The following FRMPD3 variants were observed in gnomAD, a reference collection of about 807,000 sequenced individuals.
The protein encoded by FRMPD3 is FERM and PDZ domain-containing protein 3.
FRMPD3 carries 42 observed loss-of-function variants against 97.9 expected under a neutral mutation model. The ratio of observed to expected loss-of-function variants is 0.43; its 90% CI spans 0.34 to 0.55. The LOEUF (loss-of-function observed/expected upper bound fraction) is 0.55, where lower values mean the gene tolerates loss of function less well. Among genes scored for constraint, FRMPD3 ranks in the 20% least tolerant of loss-of-function variants. FRMPD3 has a pLI of 0.03. For synonymous variants in FRMPD3, 577 were observed against 581.1 expected, an observed-to-expected ratio of 0.99 and a Z score of 0.10; for missense variants, 1,303 against 1,457.7, an observed-to-expected ratio of 0.89 and a Z score of 1.73.
intron 3 of FRMPD3, 72 bp from the exon 4 acceptor site, chrX:107,533,433 G>T (rs985281359): frequency 8.4e-5 from 78 of 925,700 alleles, no homozygotes; most frequent in Non-Finnish European, 1.1e-4. Flanking sequence ...GAAGATTCTG[G>T]TGTTGCTTCT....
intron 1 of FRMPD3, among the ~76,000 whole-genome samples, chrX:107,478,613 G>A (rs1247941280): frequency 9.0e-6 from 1 of 111,306 alleles, no homozygotes; most frequent in Non-Finnish European, 1.9e-5. Context: ...CTAAATGTTC[G>A]TCTCCTCGTT....
intron 1 of FRMPD3, among the ~76,000 whole-genome samples, chrX:107,512,657 C>A (rs941554820): frequency 9.0e-6 from 1 of 111,616 alleles, no homozygotes; most frequent in African/African-American, 3.3e-5. Context: ...CTATATATCT[C>A]TGCCTCTTTC....
intron 3 of FRMPD3, 39 bp downstream of exon 3, chrX:107,530,550 C>T (rs1331597934): frequency 3.2e-6 from 3 of 950,916 alleles, no homozygotes; most frequent in Non-Finnish European, 4.4e-6. Context: ...TCAGTATCCC[C>T]ACCCCTGACT....
intron 2 of FRMPD3, among the ~76,000 whole-genome samples, chrX:107,527,641 C>G (rs1053347501): frequency 1.8e-4 from 20 of 112,565 alleles, no homozygotes; most frequent in Non-Finnish European, 3.6e-4. Context: ...ACAAAAAAGA[C>G]AGACGGAATG....
At position 107,601,651 on chromosome X, in the gene FRMPD3, T is replaced by C; in HGVS notation, c.3612T>C (p.Pro1204=). 8.3e-7 allele frequency: 1 copy of C among 1,211,207 alleles called. No individual in the cohort carries two copies. The highest frequency in any genetic ancestry group is 1.1e-6 in the Non-Finnish European group (1 of 895,465). ...GAGCCCACTCGACCTCTGAAGGCCC[T>C]GCCAAACCCAAGTCATCCCGAGGTC... The part of the protein sequence containing the change: ...LNGAHSTSEG[P]AKPKSSRGPF... The change falls in exon 15 of 15, where the codon CCT becomes CCC. Residue 1204 remains proline, a synonymous_variant. Coordinates refer to ENST00000683843, the MANE Select transcript of FRMPD3 (RefSeq NM_001388459.1).
chrX:107,455,899 ATT>A (rs1369899100), intron 1 of FRMPD3, among the ~76,000 whole-genome samples: 2 of 111,595 alleles, frequency 1.8e-5, no homozygotes, highest in African/African-American at 6.5e-5. Context: ...CTTAATAAAT[ATT>A]TGTTGACTAC....
intron 2 of FRMPD3, among the ~76,000 whole-genome samples, chrX:107,527,474 C>A (rs1922740139): frequency 8.9e-6 from 1 of 112,363 alleles, no homozygotes; most frequent in Non-Finnish European, 1.9e-5. Context: ...AGGGTTTGCA[C>A]CTGGGCCTGT....
At position 107,602,100 on chromosome X, in the gene FRMPD3, C is replaced by T; in HGVS notation, c.4061C>T (p.Ser1354Phe). 3.3e-6 allele frequency: 4 copies of T among 1,208,816 alleles called. No individual in the cohort carries two copies. Among genetic ancestry groups the T allele is most frequent in the Non-Finnish European group, 4.5e-6 (4 of 894,457 alleles). Residue 1354 changes from serine (S) to phenylalanine (F), a missense_variant, in exon 15 of 15, where the codon TCT becomes TTT. Transcript: ENST00000683843. ...SSPINVQRIR[S>F]TSLESRECRS... ...CCCATCAATGTCCAGCGCATTCGTTCTACCAGCCTGGAGTCCCGAGAGTGC... is the reference window on the plus strand; with the variant it reads ...CCCATCAATGTCCAGCGCATTCGTTTTACCAGCCTGGAGTCCCGAGAGTGC...
chrX:107,534,349 A>T (rs911831149), intron 4 of FRMPD3, among the ~76,000 whole-genome samples: 1 of 110,730 alleles, frequency 9.0e-6, no homozygotes, highest in Non-Finnish European at 1.9e-5. Flanking sequence ...CCCCTTATTA[A>T]TGTCCCCAAC....
At chrX:107,462,975 G>A (rs963976730) in intron 1 of FRMPD3, among the ~76,000 whole-genome samples, 7 of 111,899 alleles carry the variant, frequency 6.3e-5, no homozygotes, top group Non-Finnish European at 1.3e-4. Context: ...AGCTCCAGGC[G>A]CAGCTCAGGG....
chrX:107,475,733 G>A (rs894507247), intron 1 of FRMPD3, among the ~76,000 whole-genome samples: 3 of 112,287 alleles, frequency 2.7e-5, no homozygotes, highest in African/African-American at 9.7e-5. Context: ...AAGTTGTATG[G>A]TGTAGCAGTT....
At chrX:107,568,796 T>G (rs1208019973) in intron 12 of FRMPD3, among the ~76,000 whole-genome samples, 1 of 110,632 alleles carries the variant, frequency 9.0e-6, no homozygotes, top group Non-Finnish European at 1.9e-5. Flanking sequence ...CAGTGGCTCA[T>G]GCCTGTAGTT....
chrX:107,594,981 C>T (rs200481712), intron 13 of FRMPD3, among the ~76,000 whole-genome samples: 1 of 111,950 alleles, frequency 8.9e-6, no homozygotes, highest in East Asian at 2.8e-4. Flanking sequence ...AAAGTATTTT[C>T]TAATTTCTCT....
intron 1 of FRMPD3, among the ~76,000 whole-genome samples, chrX:107,515,224 C>A (rs1021557853): frequency 1.8e-5 from 2 of 111,201 alleles, no homozygotes; most frequent in Admixed American, 9.6e-5. Context: ...ACTAGAAGGC[C>A]TGGAACTGAG....
chrX:107,597,628 T>C lies in FRMPD3; in HGVS notation c.1749T>C (p.Ala583=). The change falls in exon 14 of 15, where the codon GCT becomes GCC. Residue 583 remains alanine (A), a synonymous_variant. Coordinates refer to ENST00000683843, the MANE Select transcript of FRMPD3 (RefSeq NM_001388459.1). ...YEVVPDDFDA[A]SLDHEPCASR... ...TAGTCCCTGATGACTTTGATGCAGCTAGCCTAGACCACGAGCCTTGTGCCA... is the reference window on the plus strand; with the variant it reads ...TAGTCCCTGATGACTTTGATGCAGCCAGCCTAGACCACGAGCCTTGTGCCA... 2 of 1,210,894 alleles carry C rather than the reference T, an allele frequency of 1.7e-6. No individual in the cohort carries two copies. The highest frequency in any genetic ancestry group is 3.5e-5 in the South Asian group (2 of 57,003).
chrX:107,594,374 T>C (rs1453215474), intron 13 of FRMPD3, among the ~76,000 whole-genome samples: 1 of 112,240 alleles, frequency 8.9e-6, no homozygotes, highest in Non-Finnish European at 1.9e-5. Context: ...CTGATTACTC[T>C]GGCTCTTTTA....
chrX:107,490,140 A>T (rs1339384129), intron 1 of FRMPD3, among the ~76,000 whole-genome samples: 1 of 111,934 alleles, frequency 8.9e-6, no homozygotes, highest in South Asian at 3.7e-4. Flanking sequence ...CAAAGATCAG[A>T]TGGTTGTAGA....
At chrX:107,542,214 C>G (rs1022646712) in intron 4 of FRMPD3, among the ~76,000 whole-genome samples, 4 of 112,512 alleles carry the variant, frequency 3.6e-5, no homozygotes, top group Admixed American at 9.4e-5. Context: ...GATTGGAGCA[C>G]CAGGCTGTGC....
intron 1 of FRMPD3, among the ~76,000 whole-genome samples, chrX:107,505,013 G>A (rs73522816): frequency 0.11 from 12,763 of 112,026 alleles, 1,572 homozygotes; most frequent in African/African-American, 0.37. Context: ...TCACAGAGCA[G>A]AGACTCCCAC....
Sources: gnomAD v4.1 joint callset for allele counts (sites outside exome capture counted in the v4.1 genomes callset) on GRCh38, gnomAD v4.1.1 for gene constraint, MANE v1.5 for transcripts, NCBI Gene and HGNC (gene_info 2026-07-23, HGNC 2026-07-21) for gene names.